Variants in UBE2B observed in about 807,000 individuals in gnomAD.
The protein encoded by UBE2B is ubiquitin conjugating enzyme E2 B.
Under a neutral mutation model 24.6 loss-of-function variants are expected in UBE2B, and 11 were observed. That is an observed-to-expected ratio of 0.45 (90% CI 0.28 to 0.74). The LOEUF is 0.74. UBE2B is among the 30% of genes least tolerant of loss of function. The pLI is 0.13. For synonymous variants in UBE2B, 68 were observed against 62.4 expected (o/e 1.09, Z -0.42); for missense variants, 78 against 185.6 (o/e 0.42, Z 3.37).
intron 1 of UBE2B, 52 bp downstream of exon 1, chr5:134,371,691 G>T (rs1351809742): frequency 1.1e-5 from 18 of 1,610,524 alleles, no homozygotes; most frequent in Non-Finnish European, 1.4e-5. Flanking sequence ...CTGCGGGGCT[G>T]CAGGGCGTGG....
intron 4 of UBE2B, 89 bp downstream of exon 4, chr5:134,380,897 T>C: frequency 3.6e-6 from 3 of 824,700 alleles, no homozygotes; most frequent in Non-Finnish European, 6.1e-6. Context: ...TTTTTACTGT[T>C]AGGGCTCACT....
At chr5:134,373,483 T>A (rs328044) in intron 1 of UBE2B, among the ~76,000 whole-genome samples, 2,408 of 152,250 alleles carry the variant, frequency 0.016, 40 homozygotes, top group African/African-American at 0.043. Context: ...TCTTTTTTTT[T>A]AAATATATTT....
intron 4 of UBE2B, among the ~76,000 whole-genome samples, chr5:134,382,729 G>A (rs1229000557): frequency 1.3e-5 from 2 of 151,280 alleles, no homozygotes; most frequent in Non-Finnish European, 2.9e-5. Flanking sequence ...AGCCATGATT[G>A]TGCCACCGCT....
At chr5:134,372,213 C>G (rs1015174700) in intron 1 of UBE2B, among the ~76,000 whole-genome samples, 2 of 152,170 alleles carry the variant, frequency 1.3e-5, no homozygotes, top group African/African-American at 4.8e-5. Flanking sequence ...CTGAAAGGAC[C>G]TTGGGAACTG....
At position 134,390,678 on chromosome 5, in the gene UBE2B, A is replaced by AT. The variant is rs550482559; in HGVS notation, c.*330dup. 5.4e-5 allele frequency: 14 copies of AT among 259,438 alleles called. No homozygotes were observed. The South Asian group carries it at 5.9e-4, about 11-fold the overall frequency. The allele number at this position is 259,438 out of a possible 1,614,324, so 16.1% of individuals were successfully genotyped here. ...ACTTTTTTCAAATATTGAATGCCTT[A>AT]TTTTTGAATTCTTTAGATTTTTAAA... On this transcript the variant is annotated 3_prime_UTR_variant, in exon 6 of 6. Transcript: ENST00000265339. The surrounding 1 kb of genome is among the most constrained non-coding windows in gnomAD (Gnocchi z 4.6).
At chr5:134,376,992 G>C (rs1413739740) in intron 3 of UBE2B, among the ~76,000 whole-genome samples, 3 of 152,180 alleles carry the variant, frequency 2.0e-5, no homozygotes, top group African/African-American at 7.2e-5. Flanking sequence ...TCTCTGAGGT[G>C]AACACCAGAA....
At chr5:134,373,800 C>A (rs1300229042) in intron 1 of UBE2B, among the ~76,000 whole-genome samples, 7 of 152,186 alleles carry the variant, frequency 4.6e-5, no homozygotes, top group Non-Finnish European at 1.0e-4. Context: ...CATGTCCCTA[C>A]AAAGGACATG....
chr5:134,387,105 A>G (rs1264631758), intron 4 of UBE2B, among the ~76,000 whole-genome samples: 1 of 151,992 alleles, frequency 6.6e-6, no homozygotes, highest in African/African-American at 2.4e-5. Context: ...GACTACACGC[A>G]TGCACTACCA....
chr5:134,381,005 C>T (rs866577508), intron 4 of UBE2B, among the ~76,000 whole-genome samples, 197 bp downstream of exon 4: 15 of 115,694 alleles, frequency 1.3e-4, no homozygotes, highest in Non-Finnish European at 2.1e-4. Flanking sequence ...CTCGCTCTGT[C>T]GCCCAGGCTG....
intron 5 of UBE2B, chr5:134,389,799 G>A: frequency 5.1e-6 from 1 of 196,362 alleles, no homozygotes; most frequent in Non-Finnish European, 1.1e-5. Flanking sequence ...TGCCCGCCTC[G>A]GCCTCCCACA....
intron 4 of UBE2B, among the ~76,000 whole-genome samples, chr5:134,385,053 A>G (rs927409227): frequency 6.6e-6 from 1 of 152,238 alleles, no homozygotes; most frequent in African/African-American, 2.4e-5. Flanking sequence ...ATTGTTGAAT[A>G]ATATTCCACT....
chr5:134,372,287 C>T (rs1322103346), intron 1 of UBE2B, among the ~76,000 whole-genome samples: 1 of 152,208 alleles, frequency 6.6e-6, no homozygotes, highest in Non-Finnish European at 1.5e-5. Flanking sequence ...GAACTCAGCT[C>T]TGGCTGGTGA....
At chr5:134,373,641 C>T (rs534194269) in intron 1 of UBE2B, among the ~76,000 whole-genome samples, 11 of 152,276 alleles carry the variant, frequency 7.2e-5, no homozygotes, top group African/African-American at 2.4e-4. Flanking sequence ...TTTCTCCTCC[C>T]GCCCCACAAC....
chr5:134,374,289 C>T (rs1758560006), intron 1 of UBE2B, 94 bp from the exon 2 acceptor site: 2 of 1,143,748 alleles, frequency 1.7e-6, no homozygotes, highest in Non-Finnish European at 1.3e-6. Flanking sequence ...TAGTCTGTGT[C>T]TCAAAATAGA....
At chr5:134,384,346 C>G (rs1758762123) in intron 4 of UBE2B, among the ~76,000 whole-genome samples, 1 of 151,928 alleles carries the variant, frequency 6.6e-6, no homozygotes, top group South Asian at 2.1e-4. Flanking sequence ...TTCCTTCTAG[C>G]TGCCTTTTTT....
At chr5:134,387,387 A>G (rs186851254) in intron 4 of UBE2B, among the ~76,000 whole-genome samples, 4 of 152,360 alleles carry the variant, frequency 2.6e-5, no homozygotes, top group African/African-American at 9.6e-5. Context: ...AAAAGCTTTA[A>G]GAATATTTAG....
At chr5:134,375,376 A>T (rs1758579954) in intron 2 of UBE2B, among the ~76,000 whole-genome samples, 2 of 152,108 alleles carry the variant, frequency 1.3e-5, no homozygotes, top group South Asian at 4.1e-4. Flanking sequence ...TTGAAACTAG[A>T]GTTTTGCATT....
intron 3 of UBE2B, among the ~76,000 whole-genome samples, chr5:134,379,097 G>A (rs34660886): frequency 4.6e-5 from 7 of 152,158 alleles, no homozygotes; most frequent in African/African-American, 1.7e-4. Flanking sequence ...GTATATAATG[G>A]AATATGGCAA....
intron 4 of UBE2B, among the ~76,000 whole-genome samples, chr5:134,386,442 C>T (rs1758802972): frequency 6.6e-6 from 1 of 151,960 alleles, no homozygotes; most frequent in African/African-American, 2.4e-5. Context: ...CCAGCCTGGC[C>T]AACATATGGC....
Sources: gnomAD v4.1 joint callset for allele counts (sites outside exome capture counted in the v4.1 genomes callset) on GRCh38, gnomAD v4.1.1 for gene constraint, Gnocchi (gnomAD v3.1) non-coding constraint, MANE v1.5 for transcripts, NCBI Gene and HGNC (gene_info 2026-07-23, HGNC 2026-07-21) for gene names.